The following FBXL17 variants were observed in gnomAD, a reference collection of about 807,000 sequenced individuals.
FBXL17 encodes the protein F-box and leucine rich repeat protein 17.
In FBXL17, 22 loss-of-function variants were observed where a neutral mutation model predicts 66.2. The observed-to-expected ratio is 0.33, with a 90% CI of 0.24 to 0.47. The LOEUF is 0.47. Among genes scored for constraint, FBXL17 ranks in the 20% least tolerant of loss-of-function variants. FBXL17 has a pLI of 1.00. For missense variants in FBXL17, 878 were observed against 948.2 expected, an observed-to-expected ratio of 0.93 and a Z score of 0.97; for synonymous variants, 474 against 400.5, an observed-to-expected ratio of 1.18 and a Z score of -2.19.
At position 108,380,717 on chromosome 5, in the gene FBXL17, C is replaced by T. The variant is rs1474539941; in HGVS notation, c.975G>A (p.Pro325=). 1 of 1,249,570 alleles carries T rather than the reference C, an allele frequency of 8.0e-7. No homozygotes were observed. The highest frequency in any genetic ancestry group is 1.0e-6 in the Non-Finnish European group (1 of 989,278). The allele number at this position is 1,249,570 out of a possible 1,614,324, so 77.4% of individuals were successfully genotyped here. The part of the protein sequence containing the change: ...PPETPDINQL[P]PSILLKIFSN... ...GACCCACCTTGAGCAGGATGGACGGCGGCAGCTGGTTGATGTCTGGGGTTT... is the reference window on the plus strand; with the variant it reads ...GACCCACCTTGAGCAGGATGGACGGTGGCAGCTGGTTGATGTCTGGGGTTT... The change falls in exon 1 of 9, where the codon CCG becomes CCA. Residue 325 remains proline, a synonymous_variant. Coordinates refer to ENST00000542267, the MANE Select transcript of FBXL17 (RefSeq NM_001163315.3).
At chr5:108,085,978 T>C (rs1039626175) in intron 6 of FBXL17, among the ~76,000 whole-genome samples, 2 of 152,142 alleles carry the variant, frequency 1.3e-5, no homozygotes, top group African/African-American at 4.8e-5. Flanking sequence ...AAGCAAGGTC[T>C]TTCTGACTTT....
intron 4 of FBXL17, among the ~76,000 whole-genome samples, chr5:108,232,039 T>C (rs1001508050): frequency 6.6e-6 from 1 of 152,206 alleles, no homozygotes; most frequent in Non-Finnish European, 1.5e-5. Context: ...TAGCAGAAGG[T>C]AGTCATCAGT....
In FBXL17 at chr5:108,063,743, T is replaced by C. The variant is rs539394075; in HGVS notation, c.1746-42742A>G. ...AAAGGTAAGCTAAACTGAAAATCCA[T>C]GGGGAAATGCAAGCTTTTATTTTTA... On this transcript the variant is annotated intron_variant, in intron 6 of 8. Coordinates refer to ENST00000542267, the MANE Select transcript of FBXL17 (RefSeq NM_001163315.3). Among the ~76,000 whole-genome samples, 32 of 152,250 alleles carry C rather than the reference T, an allele frequency of 2.1e-4. No individual in the cohort carries two copies. In the South Asian group the frequency reaches 3.5e-3, roughly 17 times the overall value.
At chr5:108,178,080 C>G (rs1282407618) in intron 6 of FBXL17, among the ~76,000 whole-genome samples, 1 of 151,844 alleles carries the variant, frequency 6.6e-6, no homozygotes, top group East Asian at 1.9e-4. Flanking sequence ...GACTGGAGAG[C>G]AGTGGCACGA....
intron 7 of FBXL17, among the ~76,000 whole-genome samples, chr5:107,923,601 T>G (rs1750396625): frequency 6.6e-6 from 1 of 152,186 alleles, no homozygotes. Context: ...AGCATTCTAC[T>G]CCTGAAAAGC....
At chr5:107,925,175 T>C (rs1750486335) in intron 7 of FBXL17, among the ~76,000 whole-genome samples, 1 of 152,220 alleles carries the variant, frequency 6.6e-6, no homozygotes, top group African/African-American at 2.4e-5. Context: ...TGCCAAACAA[T>C]TACCTGTAAT....
chr5:108,013,581 A>G (rs1234242901), intron 7 of FBXL17, among the ~76,000 whole-genome samples: 3 of 152,168 alleles, frequency 2.0e-5, no homozygotes, highest in Non-Finnish European at 4.4e-5. Flanking sequence ...AACATGTCAT[A>G]GGCAGAAAAT....
intron 3 of FBXL17, among the ~76,000 whole-genome samples, chr5:108,349,524 T>G (rs561067110): frequency 5.3e-5 from 8 of 152,186 alleles, no homozygotes; most frequent in Admixed American, 5.2e-4. Flanking sequence ...ATATAAACTA[T>G]ATTATTATAA....
intron 6 of FBXL17, among the ~76,000 whole-genome samples, chr5:108,171,865 T>C (rs1464254901): frequency 2.6e-5 from 4 of 152,182 alleles, no homozygotes; most frequent in Admixed American, 1.3e-4. Flanking sequence ...GTCTTTCCCA[T>C]GCTGTTCTTG....
At chr5:108,083,248 CACAGAG>C (rs1427820191) in intron 6 of FBXL17, among the ~76,000 whole-genome samples, 77 of 135,622 alleles carry the variant, frequency 5.7e-4, no homozygotes, top group African/African-American at 2.4e-3. Flanking sequence ...CACACACACA[CACAGAG>C]AGAGAGATAG....
intron 6 of FBXL17, among the ~76,000 whole-genome samples, chr5:108,183,619 T>C (rs1580572018): frequency 6.6e-6 from 1 of 152,276 alleles, no homozygotes; most frequent in South Asian, 2.1e-4. Context: ...TTTGGTTACA[T>C]GGATGAATTC....
intron 7 of FBXL17, among the ~76,000 whole-genome samples, chr5:107,961,294 G>A (rs1173069377): frequency 6.6e-6 from 1 of 151,170 alleles, no homozygotes; most frequent in African/African-American, 2.4e-5. Context: ...GTGCAATCTT[G>A]GCTCACTGCA....
chr5:108,371,064 C>G (rs937462584), intron 1 of FBXL17, among the ~76,000 whole-genome samples: 1 of 152,014 alleles, frequency 6.6e-6, no homozygotes, highest in Non-Finnish European at 1.5e-5. Flanking sequence ...AGAGAAAAAG[C>G]TATCTTTCTG....
intron 3 of FBXL17, among the ~76,000 whole-genome samples, chr5:108,363,537 A>G (rs1272828874): frequency 2.0e-5 from 3 of 152,014 alleles, no homozygotes; most frequent in Non-Finnish European, 4.4e-5. Flanking sequence ...ACATCTAAGT[A>G]ACAGGCTCCA....
At chr5:108,159,873 A>G (rs1289192409) in intron 6 of FBXL17, among the ~76,000 whole-genome samples, 1 of 152,210 alleles carries the variant, frequency 6.6e-6, no homozygotes, top group Non-Finnish European at 1.5e-5. Context: ...AAGATATAAA[A>G]GCAGAAATAG....
At chr5:107,862,887 T>G (rs1336111661) in intron 8 of FBXL17, among the ~76,000 whole-genome samples, 2 of 145,826 alleles carry the variant, frequency 1.4e-5, no homozygotes, top group African/African-American at 4.9e-5. Flanking sequence ...CTATCTGCAC[T>G]TTTCTGAAAT....
chr5:108,151,811 C>A (rs571830126), intron 6 of FBXL17, among the ~76,000 whole-genome samples: 1 of 152,148 alleles, frequency 6.6e-6, no homozygotes, highest in Non-Finnish European at 1.5e-5. Context: ...ATGATCGACA[C>A]GCATTAATGG....
chr5:108,299,857 C>T (rs1158442273), intron 4 of FBXL17: 11 of 983,270 alleles, frequency 1.1e-5, no homozygotes, highest in Non-Finnish European at 1.3e-5. Flanking sequence ...AGGGTAGATG[C>T]CATGGAAAAA....
At chr5:108,198,195 C>T (rs1423825743) in intron 5 of FBXL17, among the ~76,000 whole-genome samples, 1 of 152,060 alleles carries the variant, frequency 6.6e-6, no homozygotes, top group Non-Finnish European at 1.5e-5. Context: ...CTCTAAGTCA[C>T]CTAGGAAGAA....
Sources: allele counts gnomAD v4.1 joint callset (sites outside exome capture counted in the v4.1 genomes callset), GRCh38; gene constraint gnomAD v4.1.1; transcripts MANE v1.5; gene names NCBI Gene and HGNC (gene_info 2026-07-23, HGNC 2026-07-21).